CTSD: variants seen among roughly 807,000 people sequenced by gnomAD.
CTSD encodes the protein ceroid-lipofuscinosis, neuronal 10.
Under a neutral mutation model 43.6 loss-of-function variants are expected in CTSD, and 28 were observed. The observed-to-expected ratio is 0.64, with a 90% CI of 0.48 to 0.88. The LOEUF (loss-of-function observed/expected upper bound fraction) is 0.88, where lower values mean the gene tolerates loss of function less well. Among genes scored for constraint, CTSD ranks in the 40% least tolerant of loss-of-function variants. The pLI, the probability that CTSD is intolerant of heterozygous loss-of-function variation, is 0.00. For synonymous variants in CTSD, 270 were observed against 249.8 expected (o/e 1.08, Z -0.76); for missense variants, 485 against 555.2 (o/e 0.87, Z 1.27).
chr11:1,759,944 G>A (rs1304593150), intron 2 of CTSD, among the ~76,000 whole-genome samples: 1 of 152,220 alleles, frequency 6.6e-6, no homozygotes, highest in Non-Finnish European at 1.5e-5. Flanking sequence ...CAAGGCCAGA[G>A]GTCAAGCCAG....
intron 1 of CTSD, 93 bp downstream of exon 1, chr11:1,763,699 G>A: frequency 4.1e-6 from 5 of 1,208,190 alleles, no homozygotes; most frequent in Non-Finnish European, 5.6e-6. Context: ...GGGCTCGTGG[G>A]GGCCACAGGG....
At chr11:1,759,212 T>C in intron 3 of CTSD, 125 bp from the exon 4 acceptor site, 1 of 919,152 alleles carries the variant, frequency 1.1e-6, no homozygotes. Context: ...AGGGTGGGAT[T>C]TGGAGGGGAT....
chr11:1,756,282 C>T (rs1457368368), intron 5 of CTSD, among the ~76,000 whole-genome samples: 23 of 152,242 alleles, frequency 1.5e-4, no homozygotes, highest in Admixed American at 1.2e-3. Flanking sequence ...CACCTGGCTG[C>T]CTCCCCTGTG....
chr11:1,757,188 CCT>C, intron 5 of CTSD, 134 bp downstream of exon 5: 1 of 779,820 alleles, frequency 1.3e-6, no homozygotes, highest in Non-Finnish European at 2.2e-6. Context: ...TCCCGGATGC[CCT>C]GAGGTCAGAG....
chr11:1,761,023 A>AGCT, intron 2 of CTSD: 1 of 473,946 alleles, frequency 2.1e-6, no homozygotes, highest in Non-Finnish European at 3.9e-6. Context: ...ACACTCAGGC[A>AGCT]GGCCCAAGGA....
Position 1,763,846 on chromosome 11 carries a change from C to T in CTSD, c.14G>A (p.Ser5Asn). Residue 5 changes from serine (S) to asparagine (N), a missense_variant, in exon 1 of 9, where the codon AGC becomes AAC. Transcript: ENST00000236671. MQPS[S>N]LLPLALCLLA... is the part of the protein sequence containing the mutation. Reference sequence around the variant, plus strand: ...CAGGCAGAGGGCGAGCGGCAGAAGGCTGGAGGGCTGCATGGCGGCGGCGGC... The same window carrying T: ...CAGGCAGAGGGCGAGCGGCAGAAGGTTGGAGGGCTGCATGGCGGCGGCGGC... The T allele has an allele frequency of 3.3e-6, 5 of 1,526,184 alleles. No homozygotes were observed. Among genetic ancestry groups the T allele is most frequent in the Non-Finnish European group, 4.4e-6 (5 of 1,142,104 alleles). 94.5% of individuals were successfully genotyped at this position (1,526,184 alleles called of 1,614,324 possible).
chr11:1,754,588 GTCA>G (rs1845784943), intron 6 of CTSD, among the ~76,000 whole-genome samples: 1 of 112,536 alleles, frequency 8.9e-6, no homozygotes, highest in Admixed American at 9.3e-5. Flanking sequence ...GTCATGAAGA[GTCA>G]CAGAGGGATG....
chr11:1,757,260 G>C, intron 5 of CTSD, 64 bp downstream of exon 5: 2 of 1,360,794 alleles, frequency 1.5e-6, no homozygotes, highest in Non-Finnish European at 2.1e-6. Flanking sequence ...TGCCTAGAAG[G>C]CTCCCCGTCC....
intron 5 of CTSD, among the ~76,000 whole-genome samples, chr11:1,756,945 C>T (rs1030046816): frequency 2.6e-5 from 4 of 152,194 alleles, no homozygotes; most frequent in Admixed American, 6.5e-5. Context: ...TCAGCAACCC[C>T]GGGACCAGGA....
chr11:1,760,350 G>A (rs976320965), intron 2 of CTSD: 1 of 152,338 alleles, frequency 6.6e-6, no homozygotes. Context: ...AGGAGGCAGA[G>A]AGTAAGAGGG....
rs1223327463 is a variant in CTSD, at chr11:1,752,993, C to T, written c.*510G>A. ...TTCCAGCTCATCCTCAGGCCTCTAGCGGCCTCATCCTCAACGGGCCCGGGA... is the reference window on the plus strand; with the variant it reads ...TTCCAGCTCATCCTCAGGCCTCTAGTGGCCTCATCCTCAACGGGCCCGGGA... On this transcript the variant is annotated 3_prime_UTR_variant, in exon 9 of 9. Coordinates refer to ENST00000236671, the MANE Select transcript of CTSD (RefSeq NM_001909.5). 3.0e-5 allele frequency: 7 copies of T among 230,098 alleles called. No individual in the cohort carries two copies. The highest frequency in any genetic ancestry group is 5.5e-5 in the South Asian group (1 of 18,294). 14.3% of individuals were successfully genotyped at this position (230,098 alleles called of 1,614,324 possible).
At chr11:1,757,783 G>A (rs551553254) in intron 4 of CTSD, among the ~76,000 whole-genome samples, 2 of 152,248 alleles carry the variant, frequency 1.3e-5, no homozygotes, top group Non-Finnish European at 2.9e-5. Context: ...CGGTTTACAC[G>A]AGATGGGAAC....
In CTSD at chr11:1,754,967, T is replaced by C; in HGVS notation, c.766A>G (p.Lys256Glu). 3 of 1,613,860 alleles carry C rather than the reference T, an allele frequency of 1.9e-6. No individual in the cohort carries two copies. The highest frequency in any genetic ancestry group is 2.5e-6 in the Non-Finnish European group (3 of 1,179,880). ...ACATTCAGGTAGGACAGAGAACCCTTGTAATACTTGGAGTCTGTGCCACCC... is the reference window on the plus strand; with the variant it reads ...ACATTCAGGTAGGACAGAGAACCCTCGTAATACTTGGAGTCTGTGCCACCC... ...MLGGTDSKYYKGSLSYLNVTR... is the reference protein window; with the variant it reads ...MLGGTDSKYYEGSLSYLNVTR... Residue 256 changes from lysine to glutamate, a missense_variant, in exon 6 of 9, where the codon AAG becomes GAG. Coordinates refer to ENST00000236671, the MANE Select transcript of CTSD (RefSeq NM_001909.5).
chr11:1,755,304 G>A, intron 5 of CTSD: 1 of 503,984 alleles, frequency 2.0e-6, no homozygotes, highest in South Asian at 2.0e-5. Context: ...GGTTCAGCCA[G>A]ACATCAGGGT....
At chr11:1,760,359 G>A (rs1845860038) in intron 2 of CTSD, 1 of 152,290 alleles carries the variant, frequency 6.6e-6, no homozygotes, top group Non-Finnish European at 1.5e-5. Flanking sequence ...AGAGTAAGAG[G>A]GTCCTGGAGT....
chr11:1,762,576 C>A (rs1052918830), intron 1 of CTSD: 3 of 152,220 alleles, frequency 2.0e-5, no homozygotes, highest in Admixed American at 2.0e-4. Flanking sequence ...TGGAAGAGCT[C>A]CAGGTTTTGT....
chr11:1,759,017 G>C lies in CTSD; in HGVS notation c.423C>G (p.His141Gln), dbSNP rs375323994. Residue 141 changes from histidine to glutamine, a missense_variant, in exon 4 of 9, where the codon CAC becomes CAG. Coordinates refer to ENST00000236671, the MANE Select transcript of CTSD (RefSeq NM_001909.5). ...YVKNGTSFDIHYGSGSLSGYL... is the reference protein window; with the variant it reads ...YVKNGTSFDIQYGSGSLSGYL... ...ACCCGGAGAGGCTGCCCGAGCCATA[G>C]TGGATGTCAAACGAGGTACCATTCT... 3 of 1,614,008 alleles carry C rather than the reference G, an allele frequency of 1.9e-6. No homozygotes were observed. The highest frequency in any genetic ancestry group is 2.5e-6 in the Non-Finnish European group (3 of 1,179,954).
At position 1,753,050 on chromosome 11, in the gene CTSD, G is replaced by A. The variant is rs1590903150; in HGVS notation, c.*453C>T. The A allele has an allele frequency of 6.8e-6, 2 of 292,564 alleles. No individual in the cohort carries two copies. The highest frequency in any genetic ancestry group is 1.9e-4 in the East Asian group (2 of 10,350). The allele number at this position is 292,564 out of a possible 1,614,324, so 18.1% of individuals were successfully genotyped here. A position where few individuals can be genotyped will look rare whatever the true frequency, so the allele number is the denominator to read the frequency against. The stretch of plus-strand genomic sequence containing the variant: ...ACAGGTAGGGTGGCAGAGCCCAGCT[G>A]GGCCCAAGCTGGGCAGAGGGGCCCT... On this transcript the variant is annotated 3_prime_UTR_variant, in exon 9 of 9. Coordinates refer to ENST00000236671, the MANE Select transcript of CTSD (RefSeq NM_001909.5).
Position 1,763,919 on chromosome 11 carries a change from G to A in CTSD, c.-60C>T. On this transcript the variant is annotated 5_prime_UTR_variant, in exon 1 of 9. Coordinates refer to ENST00000236671, the MANE Select transcript of CTSD (RefSeq NM_001909.5). ...GCCGTGCGCTTATAGCCGGGATGAC[G>A]CCGCAGTTGGGCCGGATCAGCTGAC... The A allele has an allele frequency of 7.7e-6, 11 of 1,429,778 alleles. No homozygotes were observed. In the South Asian group the frequency reaches 1.1e-4, roughly 15 times the overall value. 88.6% of individuals were successfully genotyped at this position (1,429,778 alleles called of 1,614,324 possible). A position where few individuals can be genotyped will look rare whatever the true frequency, so the allele number is the denominator to read the frequency against.
Sources: allele counts gnomAD v4.1 joint callset (sites outside exome capture counted in the v4.1 genomes callset), GRCh38; gene constraint gnomAD v4.1.1; transcripts MANE v1.5; gene names NCBI Gene and HGNC (gene_info 2026-07-23, HGNC 2026-07-21).